EPHB1: variants seen among roughly 807,000 people sequenced by gnomAD.
EPHB1 encodes the protein EPH receptor B1.
In EPHB1, 30 loss-of-function variants were observed where a neutral mutation model predicts 94.4. The observed-to-expected ratio is 0.32, with a 90% CI of 0.24 to 0.43. The LOEUF is 0.43. Ranked by LOEUF, EPHB1 falls within the 20% of genes least tolerant of loss-of-function variation. EPHB1 has a pLI of 1.00. For missense variants in EPHB1, 1,055 were observed against 1,308.3 expected, an observed-to-expected ratio of 0.81 and a Z score of 2.99; for synonymous variants, 522 against 489.1, an observed-to-expected ratio of 1.07 and a Z score of -0.89.
chr3:135,093,283 G>T (rs1436962296), intron 3 of EPHB1, among the ~76,000 whole-genome samples: 3 of 152,144 alleles, frequency 2.0e-5, no homozygotes, highest in African/African-American at 7.2e-5. Flanking sequence ...GGGTCCTTCT[G>T]TGCCAACTCC....
chr3:135,245,670 A>G (rs1045765639), intron 13 of EPHB1, among the ~76,000 whole-genome samples: 52 of 151,854 alleles, frequency 3.4e-4, no homozygotes, highest in African/African-American at 1.2e-3. Flanking sequence ...GCAGGGCATA[A>G]TGGTGCATGC....
intron 6 of EPHB1, among the ~76,000 whole-genome samples, chr3:135,159,769 A>C (rs1384801381): frequency 2.0e-5 from 3 of 152,072 alleles, no homozygotes; most frequent in African/African-American, 7.2e-5. Context: ...GTAACTTTCA[A>C]CTGTGTGTTT....
At chr3:135,157,374 G>T (rs1224751647) in intron 6 of EPHB1, among the ~76,000 whole-genome samples, 1 of 152,184 alleles carries the variant, frequency 6.6e-6, no homozygotes, top group African/African-American at 2.4e-5. Flanking sequence ...TCCCAAACCA[G>T]CCCAAGCTCC....
intron 3 of EPHB1, among the ~76,000 whole-genome samples, chr3:134,959,129 T>C (rs1933401344): frequency 6.6e-6 from 1 of 152,304 alleles, no homozygotes; most frequent in South Asian, 2.1e-4. Context: ...ATCATATGGT[T>C]ATTACTGAGG....
chr3:134,900,137 A>G (rs527504395), intron 1 of EPHB1, among the ~76,000 whole-genome samples: 2 of 152,256 alleles, frequency 1.3e-5, no homozygotes, highest in Non-Finnish European at 2.9e-5. Flanking sequence ...AAATGTGACA[A>G]TAGGGCCTGT....
At chr3:134,849,571 G>A (rs1157844508) in intron 1 of EPHB1, among the ~76,000 whole-genome samples, 1 of 152,196 alleles carries the variant, frequency 6.6e-6, no homozygotes, top group Non-Finnish European at 1.5e-5. Flanking sequence ...GGCACGTGGA[G>A]CCTGTAGTTG....
intron 12 of EPHB1, among the ~76,000 whole-genome samples, chr3:135,206,126 A>G (rs1228428454): frequency 1.3e-5 from 2 of 152,180 alleles, no homozygotes; most frequent in Non-Finnish European, 2.9e-5. Flanking sequence ...ATCATACAGC[A>G]TGTGCTTTTT....
chr3:134,987,469 A>G (rs891737262), intron 3 of EPHB1, among the ~76,000 whole-genome samples: 2 of 152,158 alleles, frequency 1.3e-5, no homozygotes, highest in Admixed American at 6.5e-5. Context: ...CACAGAAAAG[A>G]CCATGTGAGG....
chr3:135,167,081 C>A, intron 9 of EPHB1, 75 bp downstream of exon 9: 1 of 1,542,220 alleles, frequency 6.5e-7, no homozygotes, highest in Non-Finnish European at 8.9e-7. Context: ...TCAGAGCTCT[C>A]TTTATAGCCA....
intron 2 of EPHB1, among the ~76,000 whole-genome samples, chr3:134,935,243 T>C (rs571344888): frequency 4.4e-4 from 67 of 152,130 alleles, no homozygotes; most frequent in Non-Finnish European, 8.8e-4. Flanking sequence ...AAGAAACATA[T>C]TATTGGCAAA....
rs58638741 is a variant in EPHB1 at position 135,061,370 on chromosome 3, C to CCCG, written c.806-45076_806-45075insGCC. 5.7e-3 allele frequency among the ~76,000 whole-genome samples: 707 copies of CCCG among 125,052 alleles called. 94 individuals are homozygous for CCCG. The East Asian group carries it at 0.16, about 28-fold the overall frequency. 82.0% of individuals were successfully genotyped at this position (125,052 alleles called of 152,430 possible). A position where few individuals can be genotyped will look rare whatever the true frequency, so the allele number is the denominator to read the frequency against. The stretch of plus-strand genomic sequence containing the variant: ...TTAGCTCCCACTTAGGAATGACCAC[C>CCCG]CCCCCCGACCCAAGTCCCCAAAGTC... On this transcript the variant is annotated intron_variant, in intron 3 of 15. Transcript: ENST00000398015.
intron 1 of EPHB1, among the ~76,000 whole-genome samples, chr3:134,870,790 G>A (rs1281715192): frequency 6.6e-6 from 1 of 152,246 alleles, no homozygotes; most frequent in Non-Finnish European, 1.5e-5. Flanking sequence ...CAAGTTTCCA[G>A]TACAGAGTAA....
chr3:135,057,350 C>T (rs1016407353), intron 3 of EPHB1, among the ~76,000 whole-genome samples: 2 of 152,168 alleles, frequency 1.3e-5, no homozygotes, highest in Admixed American at 1.3e-4. Context: ...ACCACTGAGG[C>T]CAGCTGGCTC....
At chr3:135,068,908 A>G (rs1452661251) in intron 3 of EPHB1, among the ~76,000 whole-genome samples, 1 of 151,542 alleles carries the variant, frequency 6.6e-6, no homozygotes, top group African/African-American at 2.4e-5. Flanking sequence ...CCGGCCTCCC[A>G]AAGTGCTGGA....
At chr3:135,138,666 GAACTTTA>G (rs1235471193) in intron 5 of EPHB1, among the ~76,000 whole-genome samples, 1 of 152,082 alleles carries the variant, frequency 6.6e-6, no homozygotes, top group Non-Finnish European at 1.5e-5. Context: ...GATTGAGTGA[GAACTTTA>G]AAGACTAGAA....
Position 135,154,232 on chromosome 3 carries a change from C to A in EPHB1, c.1378C>A (p.Pro460Thr), listed in dbSNP as rs754797097. 1 of 1,613,992 alleles carries A rather than the reference C, an allele frequency of 6.2e-7. No individual in the cohort carries two copies. Among genetic ancestry groups the A allele is most frequent in the East Asian group, 2.2e-5 (1 of 44,886 alleles). ...ITLSWPQPEQ[P>T]NGIILDYEIR... Reference sequence around the variant, plus strand: ...CTTGTCATGGCCACAGCCGGAGCAGCCCAATGGCATCATCCTGGACTATGA... The same window carrying A: ...CTTGTCATGGCCACAGCCGGAGCAGACCAATGGCATCATCCTGGACTATGA... The change falls in exon 6 of 16, where the codon CCC (proline) becomes ACC (threonine). Residue 460 changes from proline to threonine, a missense_variant. Physicochemically the swap from Pro to Thr is conservative, Grantham distance 38. Coordinates refer to ENST00000398015, the MANE Select transcript of EPHB1 (RefSeq NM_004441.5).
At chr3:135,039,562 G>A (rs576053364) in intron 3 of EPHB1, among the ~76,000 whole-genome samples, 81 of 152,364 alleles carry the variant, frequency 5.3e-4, no homozygotes, top group African/African-American at 1.9e-3. Flanking sequence ...TGCAGGTCCC[G>A]AGCCCTGCCC....
chr3:135,000,636 G>A (rs979989790), intron 3 of EPHB1, among the ~76,000 whole-genome samples: 1 of 152,150 alleles, frequency 6.6e-6, no homozygotes, highest in Non-Finnish European at 1.5e-5. Flanking sequence ...CGTGTCCTGG[G>A]GTTGGCATTG....
At chr3:135,175,802 A>G (rs1352893181) in intron 9 of EPHB1, among the ~76,000 whole-genome samples, 2 of 152,046 alleles carry the variant, frequency 1.3e-5, no homozygotes, top group Non-Finnish European at 2.9e-5. Flanking sequence ...TTTCCCCAAC[A>G]CTCACAAATC....
Sources: allele counts gnomAD v4.1 joint callset (sites outside exome capture counted in the v4.1 genomes callset), GRCh38; gene constraint gnomAD v4.1.1; transcripts MANE v1.5; gene names NCBI Gene and HGNC (gene_info 2026-07-23, HGNC 2026-07-21).